The following LHCGR variants were observed in gnomAD, a reference collection of about 807,000 sequenced individuals.
LHCGR encodes luteinizing hormone/choriogonadotropin receptor, also known as lutropin-choriogonadotropic hormone receptor.
A neutral mutation model predicts 60.7 loss-of-function variants in LHCGR; 55 were observed. The observed-to-expected ratio is 0.91, with a 90% CI of 0.73 to 1.13. The LOEUF is 1.13. Among genes scored for constraint, LHCGR ranks in the 50% most tolerant of loss-of-function variants. The pLI, the probability that LHCGR is intolerant of heterozygous loss-of-function variation, is 0.00. For synonymous variants in LHCGR, 337 were observed against 316.5 expected, an observed-to-expected ratio of 1.06 and a Z score of -0.69; for missense variants, 862 against 836.0, an observed-to-expected ratio of 1.03 and a Z score of -0.38.
chr2:48,722,906 G>A (rs890638190), intron 6 of LHCGR, among the ~76,000 whole-genome samples: 2 of 152,116 alleles, frequency 1.3e-5, no homozygotes, highest in African/African-American at 2.4e-5. Flanking sequence ...GTAACCTGAC[G>A]AGTAACTGTC....
intron 1 of LHCGR, chr2:48,732,989 C>A (rs1452820469): frequency 3.9e-6 from 2 of 510,528 alleles, no homozygotes; most frequent in East Asian, 1.1e-4. Context: ...CTTGTGATGG[C>A]ATATTTGCTT....
intron 3 of LHCGR, among the ~76,000 whole-genome samples, chr2:48,727,631 C>G (rs1668794769): frequency 1.3e-5 from 2 of 152,196 alleles, no homozygotes; most frequent in South Asian, 4.1e-4. Context: ...TGGGATAGGA[C>G]TGTCGTCTGT....
rs143402420 is a variant in LHCGR at position 48,751,001 on chromosome 2, G to T, written c.161+4510C>A. Among the ~76,000 whole-genome samples, 4 of 152,282 alleles carry T rather than the reference G, an allele frequency of 2.6e-5. No homozygotes were observed. The East Asian group carries it at 7.7e-4, about 29-fold the overall frequency. ...TGCTAAGATTTAGAAACCTGCTCTG[G>T]CAGAAGAGGCACATGTTGAACAAAT... On this transcript the variant is annotated intron_variant, in intron 1 of 10. Transcript: ENST00000294954.
intron 9 of LHCGR, among the ~76,000 whole-genome samples, chr2:48,696,115 T>C (rs1220081039): frequency 1.3e-5 from 2 of 152,192 alleles, no homozygotes; most frequent in Admixed American, 1.3e-4. Context: ...TTATTTCTTC[T>C]CTCCTCATAT....
intron 8 of LHCGR, among the ~76,000 whole-genome samples, chr2:48,701,013 G>C (rs1667380826): frequency 6.6e-6 from 1 of 152,104 alleles, no homozygotes; most frequent in African/African-American, 2.4e-5. Context: ...GGTGAAGTCA[G>C]GAGTTGACAG....
intron 4 of LHCGR, among the ~76,000 whole-genome samples, chr2:48,724,887 T>A (rs578202665): frequency 1.7e-4 from 26 of 152,268 alleles, no homozygotes; most frequent in Admixed American, 9.1e-4. Context: ...ACCAGAGAGA[T>A]GTCCCTTCTC....
intron 1 of LHCGR, among the ~76,000 whole-genome samples, chr2:48,746,963 C>T (rs1187827220): frequency 6.6e-6 from 1 of 151,814 alleles, no homozygotes; most frequent in Non-Finnish European, 1.5e-5. Context: ...TGCAGATATG[C>T]TTCAGGAAGC....
At chr2:48,732,464 A>G (rs4319975) in intron 1 of LHCGR, among the ~76,000 whole-genome samples, 120,348 of 152,228 alleles carry the variant, frequency 0.79, 48,120 homozygotes, top group African/African-American at 0.91. Flanking sequence ...GTAAGCTACT[A>G]TGTGAGTTAT....
chr2:48,733,528 A>G (rs1216642906), intron 1 of LHCGR, among the ~76,000 whole-genome samples: 5 of 152,198 alleles, frequency 3.3e-5, no homozygotes, highest in African/African-American at 1.2e-4. Context: ...CAGAGCAGGA[A>G]AGGCAGCAGT....
chr2:48,721,886 T>G (rs1165170964), intron 6 of LHCGR: 1 of 425,898 alleles, frequency 2.3e-6, no homozygotes, highest in Non-Finnish European at 4.8e-6. Flanking sequence ...GGGTGGTGAC[T>G]CATGCCTGTT....
chr2:48,699,835 G>A (rs1200013777), intron 8 of LHCGR, among the ~76,000 whole-genome samples: 2 of 152,236 alleles, frequency 1.3e-5, no homozygotes, highest in Non-Finnish European at 2.9e-5. Context: ...CAATGCCCAA[G>A]AAAATTCCAA....
chr2:48,692,787 G>A (rs373495260), intron 10 of LHCGR, among the ~76,000 whole-genome samples: 1 of 152,214 alleles, frequency 6.6e-6, no homozygotes, highest in East Asian at 1.9e-4. Context: ...TCTAGGGACT[G>A]AGGAATGGCT....
At chr2:48,755,443 G>T in intron 1 of LHCGR, 68 bp downstream of exon 1, 1 of 987,994 alleles carries the variant, frequency 1.0e-6, no homozygotes, top group Non-Finnish European at 1.5e-6. Context: ...GAGTAGGGAG[G>T]GAAGGTGGCA....
In LHCGR at chr2:48,688,712, A is replaced by T; in HGVS notation, c.1085T>A (p.Leu362His). The T allele has an allele frequency of 6.2e-7, 1 of 1,614,142 alleles. No homozygotes were observed. The highest frequency in any genetic ancestry group is 1.1e-5 in the South Asian group (1 of 91,078). ...PCEDIMGYDFLRVLIWLINIL... is the reference protein window; with the variant it reads ...PCEDIMGYDFHRVLIWLINIL... ...ATTAATCAGCCAAATCAGGACCCTA[A>T]GGAAGTCATAGCCCATAATATCTTC... Residue 362 changes from leucine (L) to histidine (H), a missense_variant, in exon 11 of 11, where the codon CTT (leucine) becomes CAT (histidine). Leu to His is a moderately conservative substitution (Grantham distance 99, BLOSUM62 -3). Transcript: ENST00000294954. This position sits in a 1 kb window ranked among gnomAD's most constrained non-coding sequence, Gnocchi z 5.2.
At chr2:48,739,831 A>G (rs1019370472) in intron 1 of LHCGR, among the ~76,000 whole-genome samples, 14 of 152,168 alleles carry the variant, frequency 9.2e-5, no homozygotes, top group Non-Finnish European at 1.8e-4. Flanking sequence ...AAGGTCCGAC[A>G]ATTTGAGAAA....
At chr2:48,697,109 A>G (rs193060073) in intron 9 of LHCGR, among the ~76,000 whole-genome samples, 186 of 152,220 alleles carry the variant, frequency 1.2e-3, no homozygotes, top group Admixed American at 3.7e-3. Flanking sequence ...CTTCTGACTC[A>G]TCTTCTTCCA....
At chr2:48,752,997 T>TGGGGGGGGGGGGGGGGGGGG (rs1558909396) in intron 1 of LHCGR, among the ~76,000 whole-genome samples, 1 of 18,428 alleles carries the variant, frequency 5.4e-5, no homozygotes, top group Non-Finnish European at 9.8e-5. Context: ...GGGGGGGGGG[T>TGGGGGGGGGGGGGGGGGGGG]GGGGAAGGGA....
At chr2:48,690,403 T>C (rs1680170644) in intron 10 of LHCGR, among the ~76,000 whole-genome samples, 1 of 152,196 alleles carries the variant, frequency 6.6e-6, no homozygotes, top group Non-Finnish European at 1.5e-5. Context: ...AGTTCTTTAT[T>C]TGCCAAGTAG....
chr2:48,698,597 C>G lies in LHCGR; in HGVS notation c.866+18G>C, dbSNP rs369350977. The stretch of plus-strand genomic sequence containing the variant: ...CTGCCACAGCTTGGGTAGGCTTTAC[C>G]TTTTGGTTTCTACTTACTCTTTTGT... On this transcript the variant is annotated intron_variant, in intron 9 of 10. Transcript: ENST00000294954. The G allele has an allele frequency of 9.9e-6, 16 of 1,608,096 alleles. No individual in the cohort carries two copies. In the African/African-American group the frequency reaches 1.9e-4, roughly 19 times the overall value.
Sources: allele counts gnomAD v4.1 joint callset (sites outside exome capture counted in the v4.1 genomes callset), GRCh38; gene constraint gnomAD v4.1.1; non-coding constraint Gnocchi (gnomAD v3.1); transcripts MANE v1.5; gene names NCBI Gene and HGNC (gene_info 2026-07-23, HGNC 2026-07-21).